Variants in ARHGAP12 observed in about 807,000 individuals in gnomAD.
ARHGAP12 encodes Rho GTPase activating protein 12.
ARHGAP12 carries 64 observed loss-of-function variants against 108.6 expected under a neutral mutation model. The ratio of observed to expected loss-of-function variants is 0.59; its 90% CI spans 0.48 to 0.73. The LOEUF is 0.73. ARHGAP12 is among the 30% of genes least tolerant of loss of function. The pLI, the probability that ARHGAP12 is intolerant of heterozygous loss-of-function variation, is 0.00. For missense variants in ARHGAP12, 940 were observed against 1,005.9 expected (o/e 0.93, Z 0.89); for synonymous variants, 312 against 337.2 (o/e 0.93, Z 0.82).
At chr10:31,876,640 A>G (rs1045597703) in intron 3 of ARHGAP12, among the ~76,000 whole-genome samples, 3 of 152,200 alleles carry the variant, frequency 2.0e-5, no homozygotes, top group African/African-American at 4.8e-5. Context: ...AGCGGAGGAA[A>G]AAAATCAGTC....
intron 11 of ARHGAP12, among the ~76,000 whole-genome samples, chr10:31,822,830 G>A (rs958268916): frequency 5.3e-5 from 8 of 151,968 alleles, no homozygotes; most frequent in African/African-American, 1.9e-4. Flanking sequence ...TGTCCTCTGG[G>A]GGACATCTGG....
intron 3 of ARHGAP12, among the ~76,000 whole-genome samples, chr10:31,887,696 C>T (rs542362902): frequency 9.0e-5 from 12 of 133,494 alleles, no homozygotes; most frequent in African/African-American, 1.1e-4. Flanking sequence ...CTCGCTTTGT[C>T]GCCCAGGCTG....
chr10:31,812,912 C>A, intron 14 of ARHGAP12, 89 bp from the exon 15 acceptor site: 2 of 650,832 alleles, frequency 3.1e-6, no homozygotes, highest in Admixed American at 2.7e-5. Context: ...AACACATTAA[C>A]CTCATATGTC....
rs1192204207 is a variant in ARHGAP12, at chr10:31,861,453, C to T, written c.890G>A (p.Arg297His). 8.7e-6 allele frequency: 14 copies of T among 1,614,040 alleles called. No individual in the cohort carries two copies. Among genetic ancestry groups the T allele is most frequent in the Non-Finnish European group, 1.0e-5 (12 of 1,180,022 alleles). Residue 297 changes from arginine to histidine, a missense_variant, in exon 4 of 20, where the codon CGT becomes CAT. By Grantham distance (29) the Arg-to-His change is conservative. Transcript: ENST00000344936. ...GTQERTWKPP[R>H]WTRDASISKG... ...GCTGATGCTTGCATCCCGAGTCCAA[C>T]GAGGAGGTTTCCAAGTTCTTTCCTG...
chr10:31,902,063 T>A (rs753416371), intron 3 of ARHGAP12, among the ~76,000 whole-genome samples: 29 of 152,198 alleles, frequency 1.9e-4, no homozygotes, highest in Non-Finnish European at 3.7e-4. Flanking sequence ...TTATTCAGCC[T>A]ACCACAATAG....
In ARHGAP12 at chr10:31,908,358, A is replaced by G; in HGVS notation, c.498T>C (p.Pro166=). The change falls in exon 3 of 20, where the codon CCT becomes CCC. Residue 166 remains proline, a synonymous_variant. Transcript: ENST00000344936. ...GTGTCCTATTCTGGCTGGAAACTTTAGGAGAATGTGAGTCATTGTTAAACT... is the reference window on the plus strand; with the variant it reads ...GTGTCCTATTCTGGCTGGAAACTTTGGGAGAATGTGAGTCATTGTTAAACT... ...NGKFNNDSHS[P]KVSSQNRTRS... The G allele has an allele frequency of 6.2e-7, 1 of 1,614,234 alleles. No individual in the cohort carries two copies. Among genetic ancestry groups the G allele is most frequent in the Non-Finnish European group, 8.5e-7 (1 of 1,180,044 alleles).
rs1167406050 is a variant in ARHGAP12 at position 31,917,612 on chromosome 10, C to T, written c.-110-7049G>A. ...AAGAAAATCTTCTAAATATCACTTA[C>T]ATTCAATTACTTGCATGTGTTTACC... On this transcript the variant is annotated intron_variant, in intron 1 of 19. Coordinates refer to ENST00000344936, the MANE Select transcript of ARHGAP12 (RefSeq NM_018287.7). Among the ~76,000 whole-genome samples the T allele has an allele frequency of 9.2e-5, 14 of 152,288 alleles. No individual in the cohort carries two copies. In the East Asian group the frequency reaches 2.5e-3, roughly 27 times the overall value.
At chr10:31,845,750 A>G (rs1392289465) in intron 6 of ARHGAP12, among the ~76,000 whole-genome samples, 1 of 152,136 alleles carries the variant, frequency 6.6e-6, no homozygotes, top group Non-Finnish European at 1.5e-5. Context: ...TCACCACTGC[A>G]CTCCAGCTTG....
Position 31,908,501 on chromosome 10 carries a change from G to A in ARHGAP12, c.355C>T (p.Pro119Ser). 1.2e-6 allele frequency: 2 copies of A among 1,614,172 alleles called. No homozygotes were observed. The highest frequency in any genetic ancestry group is 2.2e-5 in the South Asian group (2 of 91,080). Reference sequence around the variant, plus strand: ...CCTGTTCCTTGAACAGATGACGATGGCTTTCCGAAACTTGAAAGCTCAGGC... The same window carrying A: ...CCTGTTCCTTGAACAGATGACGATGACTTTCCGAAACTTGAAAGCTCAGGC... ...KLPELSSFGK[P>S]SSSVQGTGLI... The change falls in exon 3 of 20, where the codon CCA becomes TCA. Residue 119 changes from proline to serine, a missense_variant. By Grantham distance (74) the Pro-to-Ser change is moderately conservative (BLOSUM62 -1). Coordinates refer to ENST00000344936, the MANE Select transcript of ARHGAP12 (RefSeq NM_018287.7).
chr10:31,878,447 A>G (rs1837815886), intron 3 of ARHGAP12, among the ~76,000 whole-genome samples: 1 of 152,240 alleles, frequency 6.6e-6, no homozygotes, highest in South Asian at 2.1e-4. Flanking sequence ...AAATCACATA[A>G]TAGACACTTC....
chr10:31,835,560 A>C (rs2132216826), intron 9 of ARHGAP12, among the ~76,000 whole-genome samples: 1 of 152,330 alleles, frequency 6.6e-6, no homozygotes, highest in African/African-American at 2.4e-5. Flanking sequence ...CAAGTTCATA[A>C]TTACTTTGCA....
chr10:31,926,113 G>A (rs996181998), intron 1 of ARHGAP12, among the ~76,000 whole-genome samples: 1 of 152,160 alleles, frequency 6.6e-6, no homozygotes, highest in Non-Finnish European at 1.5e-5. Flanking sequence ...AGAAGTGCAG[G>A]TGATTCCTAT....
At chr10:31,904,244 A>G (rs375225192) in intron 3 of ARHGAP12, among the ~76,000 whole-genome samples, 5 of 152,374 alleles carry the variant, frequency 3.3e-5, no homozygotes, top group African/African-American at 1.2e-4. Context: ...TAAATAAACT[A>G]TGGTACATCC....
rs1296032954 is a variant in ARHGAP12 at position 31,908,536 on chromosome 10, A to G, written c.320T>C (p.Val107Ala). The change falls in exon 3 of 20, where the codon GTG becomes GCG. Residue 107 changes from valine to alanine, a missense_variant. Transcript: ENST00000344936. ...ACTTGAAAGCTCAGGCAATTTGTTCACATTTTCTGTTGATCTCTGAAGATG... is the reference window on the plus strand; with the variant it reads ...ACTTGAAAGCTCAGGCAATTTGTTCGCATTTTCTGTTGATCTCTGAAGATG... ...SLHLQRSTEN[V>A]NKLPELSSFG... 1.2e-6 allele frequency: 2 copies of G among 1,614,220 alleles called. No homozygotes were observed. The highest frequency in any genetic ancestry group is 3.3e-5 in the Admixed American group (2 of 60,024).
intron 1 of ARHGAP12, among the ~76,000 whole-genome samples, chr10:31,914,675 T>TTA (rs1419377680): frequency 1.3e-5 from 2 of 152,128 alleles, no homozygotes; most frequent in African/African-American, 4.8e-5. Context: ...AGGGGAACCT[T>TTA]TATATACTGT....
intron 1 of ARHGAP12, among the ~76,000 whole-genome samples, chr10:31,920,999 G>A (rs968434568): frequency 2.6e-5 from 4 of 152,180 alleles, no homozygotes; most frequent in African/African-American, 7.2e-5. Context: ...AAATCAGGCT[G>A]GACAAGGTGG....
intron 3 of ARHGAP12, among the ~76,000 whole-genome samples, chr10:31,865,983 C>T (rs1837309860): frequency 6.6e-6 from 1 of 151,904 alleles, no homozygotes; most frequent in East Asian, 1.9e-4. Context: ...AAATGAGAAC[C>T]CTGGAAAATA....
intron 3 of ARHGAP12, among the ~76,000 whole-genome samples, chr10:31,898,930 A>T (rs1263883620): frequency 1.3e-5 from 2 of 152,246 alleles, no homozygotes; most frequent in Non-Finnish European, 2.9e-5. Flanking sequence ...AGGTGGCAAC[A>T]ATCAAAATGC....
chr10:31,894,983 A>G (rs1399535011), intron 3 of ARHGAP12, among the ~76,000 whole-genome samples: 1 of 152,238 alleles, frequency 6.6e-6, no homozygotes, highest in Non-Finnish European at 1.5e-5. Flanking sequence ...AACCTGACAA[A>G]AACAAGAAAA....
Sources: gnomAD v4.1 joint callset for allele counts (sites outside exome capture counted in the v4.1 genomes callset) on GRCh38, gnomAD v4.1.1 for gene constraint, MANE v1.5 for transcripts, NCBI Gene and HGNC (gene_info 2026-07-23, HGNC 2026-07-21) for gene names.